SLC9C2: variants seen among roughly 807,000 people sequenced by gnomAD.
The protein encoded by SLC9C2 is sodium/hydrogen exchanger 11.
In SLC9C2, 75 loss-of-function variants were observed where a neutral mutation model predicts 140.2. The ratio of observed to expected loss-of-function variants is 0.53; its 90% confidence interval spans 0.44 to 0.65. SLC9C2 has a LOEUF of 0.65. Ranked by LOEUF, SLC9C2 falls within the 30% of genes least tolerant of loss-of-function variation. The probability of loss-of-function intolerance (pLI) is 0.00; values close to 1 mark genes in which losing one functional copy is unlikely to be tolerated. For missense variants in SLC9C2, 1,074 were observed against 1,331.8 expected, an observed-to-expected ratio of 0.81 and a Z score of 3.01; for synonymous variants, 375 against 420.9, an observed-to-expected ratio of 0.89 and a Z score of 1.34.
Position 173,569,616 on chromosome 1 carries a change from G to A in SLC9C2, c.1046+3566C>T, listed in dbSNP as rs193053404. ...GCCCTTCTGAGGTTATTTCCTAGTAGGTGTGCCGCATTCTTTTTTATTCTT... is the reference window on the plus strand; with the variant it reads ...GCCCTTCTGAGGTTATTTCCTAGTAAGTGTGCCGCATTCTTTTTTATTCTT... On this transcript the variant is annotated intron_variant, in intron 9 of 27. Transcript: ENST00000367714. Among the ~76,000 whole-genome samples, 644 of 151,946 alleles carry A rather than the reference G, an allele frequency of 4.2e-3. 8 individuals are homozygous for A. The highest frequency in any genetic ancestry group is 0.015 in the African/African-American group (612 of 41,446).
intron 4 of SLC9C2, among the ~76,000 whole-genome samples, chr1:173,594,015 A>G (rs924090284): frequency 6.6e-6 from 1 of 152,212 alleles, no homozygotes; most frequent in Non-Finnish European, 1.5e-5. Context: ...AGAAAAAGAG[A>G]CAATCTGAAA....
intron 4 of SLC9C2, among the ~76,000 whole-genome samples, chr1:173,591,179 C>T (rs1414017380): frequency 6.6e-6 from 1 of 152,170 alleles, no homozygotes; most frequent in Non-Finnish European, 1.5e-5. Flanking sequence ...TAGCCTCCAG[C>T]TCCATCCATG....
At position 173,557,394 on chromosome 1, in the gene SLC9C2, G is replaced by A. The variant is rs1663783984; in HGVS notation, c.1161C>T (p.Leu387=). 6.2e-7 allele frequency: 1 copy of A among 1,613,924 alleles called. No individual in the cohort carries two copies. The highest frequency in any genetic ancestry group is 8.5e-7 in the Non-Finnish European group (1 of 1,179,942). ...WSGIKGVFNL[L]WAPDVYNLAE... ...CGAGATTATAAACATCAGGAGCCCA[G>A]AGTAAATTAAAAACTCCTTTAATTC... is the stretch of plus-strand genomic sequence containing the variant. The change falls in exon 10 of 28, where the codon CTC becomes CTT. Residue 387 remains leucine (L), a synonymous_variant. Coordinates refer to ENST00000367714, the MANE Select transcript of SLC9C2 (RefSeq NM_178527.4).
At chr1:173,565,289 G>A (rs571117802) in intron 9 of SLC9C2, among the ~76,000 whole-genome samples, 1 of 152,278 alleles carries the variant, frequency 6.6e-6, no homozygotes, top group South Asian at 2.1e-4. Context: ...GCCCAGACCA[G>A]TGTCCTAGAG....
rs1484877090 is a variant in SLC9C2, at chr1:173,587,723, A to G, written c.465T>C (p.Phe155=). Residue 155 remains phenylalanine, a synonymous_variant, in exon 5 of 28, where the codon TTT becomes TTC. Transcript: ENST00000367714. ...GATCTATAATGCCAAGGGTGATGCT[A>G]AAGAGTAGGCAAGATTGCAAATCCC... ...DSWDLQSCLL[F]SITLGIIDPL... is the part of the protein sequence containing the mutation. 13 of 1,613,474 alleles carry G rather than the reference A, an allele frequency of 8.1e-6. No homozygotes were observed. Among genetic ancestry groups the G allele is most frequent in the Admixed American group, 5.0e-5 (3 of 59,976 alleles).
chr1:173,530,067 G>A lies in SLC9C2; in HGVS notation c.2164-13C>T, dbSNP rs1415288160. 3.2e-6 allele frequency: 5 copies of A among 1,561,654 alleles called. No individual in the cohort carries two copies. The highest frequency in any genetic ancestry group is 1.4e-5 in the African/African-American group (1 of 71,604). On this transcript the variant is annotated splice_polypyrimidine_tract_variant and intron_variant, in intron 17 of 27. Transcript: ENST00000367714. ...TTGGTACTATTATCTGGAATAATGAGAAGAAGAAAAAAAAACCTGTACATT... is the reference window on the plus strand; with the variant it reads ...TTGGTACTATTATCTGGAATAATGAAAAGAAGAAAAAAAAACCTGTACATT...
chr1:173,511,699 T>C lies in SLC9C2; in HGVS notation c.2908-2000A>G, dbSNP rs149587323. ...TTTAGGCTTTTGTTGCAATTGCCTT[T>C]GGCATTTTTGTCATGAAGTCTTTGC... On this transcript the variant is annotated intron_variant, in intron 23 of 27. Transcript: ENST00000367714. 9.5e-3 allele frequency among the ~76,000 whole-genome samples: 1,449 copies of C among 152,374 alleles called. 26 individuals are homozygous for C. The highest frequency in any genetic ancestry group is 0.033 in the African/African-American group (1,391 of 41,592).
At chr1:173,536,433 A>G (rs1478219288) in intron 14 of SLC9C2, among the ~76,000 whole-genome samples, 1 of 152,110 alleles carries the variant, frequency 6.6e-6, no homozygotes. Flanking sequence ...GTAACCAGAT[A>G]TTGTTATATC....
chr1:173,517,009 G>A (rs962734828), intron 23 of SLC9C2, among the ~76,000 whole-genome samples: 21 of 152,260 alleles, frequency 1.4e-4, no homozygotes, highest in Admixed American at 1.0e-3. Context: ...CAGCCATTCT[G>A]ACTGGTGTGA....
chr1:173,569,587 A>G (rs1664711933), intron 9 of SLC9C2, among the ~76,000 whole-genome samples: 1 of 151,850 alleles, frequency 6.6e-6, no homozygotes, highest in African/African-American at 2.4e-5. Flanking sequence ...TAACACTTAG[A>G]CTTGCCCTTC....
At chr1:173,526,042 C>T (rs1023668364) in intron 19 of SLC9C2, among the ~76,000 whole-genome samples, 1 of 152,128 alleles carries the variant, frequency 6.6e-6, no homozygotes, top group Admixed American at 6.5e-5. Flanking sequence ...ATTTTCTTTT[C>T]TGATAACTTC....
At chr1:173,589,375 G>A (rs1666032007) in intron 4 of SLC9C2, among the ~76,000 whole-genome samples, 1 of 152,060 alleles carries the variant, frequency 6.6e-6, no homozygotes, top group African/African-American at 2.4e-5. Flanking sequence ...CTGGACAAGA[G>A]AGCGAGACCT....
chr1:173,565,625 T>C (rs1664421520), intron 9 of SLC9C2, among the ~76,000 whole-genome samples: 1 of 152,256 alleles, frequency 6.6e-6, no homozygotes, highest in Non-Finnish European at 1.5e-5. Flanking sequence ...GCAGTATAAT[T>C]TGAAGTTAAG....
chr1:173,586,797 C>T (rs1558092456), intron 5 of SLC9C2, among the ~76,000 whole-genome samples: 1 of 152,152 alleles, frequency 6.6e-6, no homozygotes, highest in Non-Finnish European at 1.5e-5. Flanking sequence ...CCAAACACCA[C>T]ATGTTCTCAC....
rs541802853 is a variant in SLC9C2, at chr1:173,602,855, C to T, written c.-184G>A. 6.6e-6 allele frequency: 1 copy of T among 152,324 alleles called. No homozygotes were observed. The highest frequency in any genetic ancestry group is 2.1e-4 in the South Asian group (1 of 4,824). The allele number at this position is 152,324 out of a possible 1,614,324, so 9.4% of individuals were successfully genotyped here. ...AATGCTACATCTTCAAATCACTTCA[C>T]CTGTCCCTCCAGTAGCCCTTCAGGT... On this transcript the variant is annotated 5_prime_UTR_variant, in exon 1 of 28. It adds an upstream start codon to the 5' untranslated region. Transcript: ENST00000367714.
intron 23 of SLC9C2, among the ~76,000 whole-genome samples, chr1:173,513,933 A>T (rs1660228108): frequency 6.6e-6 from 1 of 152,140 alleles, no homozygotes; most frequent in Non-Finnish European, 1.5e-5. Context: ...TCAGGAGCAG[A>T]TTGTTCAATT....
intron 20 of SLC9C2, 73 bp downstream of exon 20, chr1:173,524,705 TC>T: frequency 6.6e-7 from 1 of 1,515,748 alleles, no homozygotes; most frequent in Non-Finnish European, 8.9e-7. Flanking sequence ...TTTTTCAATC[TC>T]CCTCCTTATT....
At chr1:173,508,269 A>G (rs569467962) in intron 24 of SLC9C2, among the ~76,000 whole-genome samples, 50 of 151,538 alleles carry the variant, frequency 3.3e-4, no homozygotes, top group African/African-American at 1.1e-3. Flanking sequence ...TCTTTAATGG[A>G]AAAAAAAAGA....
chr1:173,534,834 A>C (rs570893467), intron 15 of SLC9C2, 152 bp from the exon 16 acceptor site: 1 of 633,980 alleles, frequency 1.6e-6, no homozygotes, highest in Non-Finnish European at 2.2e-6. Context: ...TATTTTCTAT[A>C]CATAAAAATC....
Sources: allele counts gnomAD v4.1 joint callset (sites outside exome capture counted in the v4.1 genomes callset), GRCh38; gene constraint gnomAD v4.1.1; transcripts MANE v1.5; gene names NCBI Gene and HGNC (gene_info 2026-07-23, HGNC 2026-07-21).